Variants in RALYL observed in about 807,000 individuals in gnomAD.
RALYL encodes the protein RALY RNA binding protein like, also known as RNA-binding Raly-like protein.
Under a neutral mutation model 35.1 loss-of-function variants are expected in RALYL, and 29 were observed. The observed-to-expected ratio is 0.83, with a 90% confidence interval of 0.61 to 1.13. The LOEUF (loss-of-function observed/expected upper bound fraction) is 1.13, where lower values mean the gene tolerates loss of function less well. Among genes scored for constraint, RALYL ranks in the 50% most tolerant of loss-of-function variants. The pLI, the probability that RALYL is intolerant of heterozygous loss-of-function variation, is 0.00. For missense variants in RALYL, 359 were observed against 360.4 expected (o/e 1.00, Z 0.03); for synonymous variants, 120 against 127.6 (o/e 0.94, Z 0.40).
rs191992180 is a variant in RALYL, at chr8:84,548,084, C to T, written c.256+18507C>T. On this transcript the variant is annotated intron_variant, in intron 2 of 8. Transcript: ENST00000521268. ...TTTTTTTTCAGGAATGTGTTCTCAA[C>T]TTATAATTTATGGTAGCTAATTTAT... Among the ~76,000 whole-genome samples, 21 of 152,182 alleles carry T rather than the reference C, an allele frequency of 1.4e-4. No individual in the cohort carries two copies. The East Asian group carries it at 3.1e-3, about 22-fold the overall frequency.
chr8:84,392,044 T>A (rs1860815828), intron 1 of RALYL, among the ~76,000 whole-genome samples: 1 of 152,030 alleles, frequency 6.6e-6, no homozygotes, highest in African/African-American at 2.4e-5. Flanking sequence ...AGTTGAACAT[T>A]TAATCAGCAA....
At chr8:84,634,529 C>G (rs1226444321) in intron 2 of RALYL, among the ~76,000 whole-genome samples, 1 of 151,846 alleles carries the variant, frequency 6.6e-6, no homozygotes, top group African/African-American at 2.4e-5. Flanking sequence ...TTACTGTACT[C>G]TATTTTGCAT....
intron 1 of RALYL, among the ~76,000 whole-genome samples, chr8:84,189,292 C>G (rs1056452995): frequency 6.6e-6 from 1 of 152,130 alleles, no homozygotes; most frequent in Non-Finnish European, 1.5e-5. Flanking sequence ...CCATTTAACT[C>G]ACTAATATGC....
At chr8:84,713,620 T>C (rs1053107442) in intron 2 of RALYL, among the ~76,000 whole-genome samples, 4 of 151,934 alleles carry the variant, frequency 2.6e-5, no homozygotes, top group African/African-American at 9.7e-5. Context: ...GGGAATTATT[T>C]TACACTGTTG....
Position 84,529,477 on chromosome 8 carries a change from C to A in RALYL, c.156C>A (p.Ser52=), listed in dbSNP as rs534853015. The change falls in exon 2 of 9, where the codon TCC becomes TCA. Residue 52 remains serine, a synonymous_variant. Coordinates refer to ENST00000521268, the MANE Select transcript of RALYL (RefSeq NM_173848.7). ...AGTATGGAAAAATAGTTGGATGTTCCGTTCACAAAGGTTATGCATTTGTAC... is the reference window on the plus strand; with the variant it reads ...AGTATGGAAAAATAGTTGGATGTTCAGTTCACAAAGGTTATGCATTTGTAC... The part of the protein sequence containing the change: ...FSKYGKIVGC[S]VHKGYAFVQY... 1.9e-6 allele frequency: 3 copies of A among 1,613,686 alleles called. No homozygotes were observed. Among genetic ancestry groups the A allele is most frequent in the Non-Finnish European group, 2.5e-6 (3 of 1,179,824 alleles).
chr8:84,719,605 A>G (rs1429847421), intron 2 of RALYL, among the ~76,000 whole-genome samples: 2 of 152,214 alleles, frequency 1.3e-5, no homozygotes, highest in African/African-American at 2.4e-5. Context: ...TGTACTAATT[A>G]TTAAGCAATG....
chr8:84,489,071 CTAT>C (rs1554690187), intron 1 of RALYL, among the ~76,000 whole-genome samples: 1 of 151,930 alleles, frequency 6.6e-6, no homozygotes, highest in Non-Finnish European at 1.5e-5. Context: ...TTGTGCCTCG[CTAT>C]TATTTGTGTG....
chr8:84,848,385 G>T (rs549951904), intron 4 of RALYL, among the ~76,000 whole-genome samples: 3 of 148,972 alleles, frequency 2.0e-5, no homozygotes, highest in East Asian at 3.9e-4. Flanking sequence ...TAAATATTTT[G>T]TGTGTGTGTG....
chr8:84,429,283 C>T (rs1364240998), intron 1 of RALYL, among the ~76,000 whole-genome samples: 1 of 152,092 alleles, frequency 6.6e-6, no homozygotes, highest in Non-Finnish European at 1.5e-5. Flanking sequence ...AAGAATTGCA[C>T]AGGCTGTTTG....
At chr8:84,745,830 A>G (rs1808475061) in intron 2 of RALYL, among the ~76,000 whole-genome samples, 1 of 152,060 alleles carries the variant, frequency 6.6e-6, no homozygotes, top group Non-Finnish European at 1.5e-5. Flanking sequence ...GCCTAAAAGT[A>G]TATGACTTTC....
At chr8:84,874,735 G>A (rs1338849688) in intron 7 of RALYL, among the ~76,000 whole-genome samples, 1 of 152,206 alleles carries the variant, frequency 6.6e-6, no homozygotes, top group South Asian at 2.1e-4. Flanking sequence ...TCAAATCGCT[G>A]TATACCACAT....
chr8:84,640,729 A>G (rs563168406), intron 2 of RALYL, among the ~76,000 whole-genome samples: 2 of 152,116 alleles, frequency 1.3e-5, no homozygotes, highest in African/African-American at 4.8e-5. Context: ...TCAAGGAGAG[A>G]AAAAGCTAAA....
intron 1 of RALYL, among the ~76,000 whole-genome samples, chr8:84,203,968 T>C (rs1459936075): frequency 6.6e-6 from 1 of 152,080 alleles, no homozygotes; most frequent in East Asian, 1.9e-4. Flanking sequence ...TTCCTGGAAT[T>C]GAATGTACTT....
chr8:84,461,106 A>G (rs1281159492), intron 1 of RALYL, among the ~76,000 whole-genome samples: 1 of 151,642 alleles, frequency 6.6e-6, no homozygotes, highest in East Asian at 1.9e-4. Flanking sequence ...ATATGCTATG[A>G]ATGTTATTAC....
At chr8:84,188,722 A>G (rs1813145996) in intron 1 of RALYL, among the ~76,000 whole-genome samples, 1 of 152,130 alleles carries the variant, frequency 6.6e-6, no homozygotes, top group Admixed American at 6.5e-5. Context: ...TTATTATTAA[A>G]TTTTGATGTG....
At chr8:84,253,012 G>A (rs531924116) in intron 1 of RALYL, among the ~76,000 whole-genome samples, 3 of 151,740 alleles carry the variant, frequency 2.0e-5, no homozygotes, top group African/African-American at 7.3e-5. Flanking sequence ...TAAGGACTTT[G>A]TGTATGGCTT....
chr8:84,555,105 C>A (rs541776374), intron 2 of RALYL, among the ~76,000 whole-genome samples: 1 of 152,080 alleles, frequency 6.6e-6, no homozygotes, highest in Non-Finnish European at 1.5e-5. Flanking sequence ...ATGGTGAAAC[C>A]CCACCTCTAC....
chr8:84,428,104 TCTCACACACACA>T (rs1176652873), intron 1 of RALYL, among the ~76,000 whole-genome samples: 48 of 131,818 alleles, frequency 3.6e-4, no homozygotes, highest in African/African-American at 1.2e-3. Flanking sequence ...TCTCTCTCTC[TCTCACACACACA>T]CACACACACA....
intron 1 of RALYL, among the ~76,000 whole-genome samples, chr8:84,289,558 C>T (rs1013799020): frequency 2.0e-5 from 3 of 152,070 alleles, no homozygotes; most frequent in Non-Finnish European, 4.4e-5. Flanking sequence ...ATTTATCTCC[C>T]ACTAGTAGAG....
Sources: gnomAD v4.1 joint callset for allele counts (sites outside exome capture counted in the v4.1 genomes callset) on GRCh38, gnomAD v4.1.1 for gene constraint, MANE v1.5 for transcripts, NCBI Gene and HGNC (gene_info 2026-07-23, HGNC 2026-07-21) for gene names.